CAMKMT: variants seen among roughly 807,000 people sequenced by gnomAD.
CAMKMT encodes CaM KMT.
A neutral mutation model predicts 48.0 loss-of-function variants in CAMKMT; 53 were observed. The observed-to-expected ratio is 1.10, with a 90% CI of 0.89 to 1.39. The LOEUF is 1.39. CAMKMT is among the 40% of genes most tolerant of loss of function. CAMKMT has a pLI of 0.00. For synonymous variants in CAMKMT, 165 were observed against 152.3 expected, an observed-to-expected ratio of 1.08 and a Z score of -0.61; for missense variants, 428 against 402.7, an observed-to-expected ratio of 1.06 and a Z score of -0.54.
chr2:44,371,489 A>G (rs996695460), intron 1 of CAMKMT, among the ~76,000 whole-genome samples: 3 of 152,182 alleles, frequency 2.0e-5, no homozygotes, highest in Admixed American at 6.5e-5. Flanking sequence ...GTTTCCAAAT[A>G]TATTTGGCTT....
chr2:44,397,461 C>A (rs1169894416), intron 3 of CAMKMT, among the ~76,000 whole-genome samples: 2 of 152,114 alleles, frequency 1.3e-5, no homozygotes, highest in Non-Finnish European at 2.9e-5. Context: ...TACATGTAGT[C>A]TTTGATTCTT....
intron 3 of CAMKMT, among the ~76,000 whole-genome samples, chr2:44,445,972 G>A (rs1294436143): frequency 6.6e-6 from 1 of 151,986 alleles, no homozygotes; most frequent in East Asian, 1.9e-4. Context: ...AAGCAGTTAA[G>A]ATCTGTCTTC....
At chr2:44,482,076 T>C (rs1668990329) in intron 3 of CAMKMT, among the ~76,000 whole-genome samples, 1 of 152,104 alleles carries the variant, frequency 6.6e-6, no homozygotes, top group Non-Finnish European at 1.5e-5. Context: ...AGAATATAAT[T>C]AACTCATGCA....
At chr2:44,554,457 C>T (rs968663205) in intron 3 of CAMKMT, among the ~76,000 whole-genome samples, 3 of 152,096 alleles carry the variant, frequency 2.0e-5, no homozygotes, top group Non-Finnish European at 2.9e-5. Flanking sequence ...AAATATTCGC[C>T]GGGCACAGTG....
chr2:44,739,027 G>C (rs997394473), intron 7 of CAMKMT, among the ~76,000 whole-genome samples: 1 of 152,204 alleles, frequency 6.6e-6, no homozygotes, highest in Non-Finnish European at 1.5e-5. Context: ...GAGCAAAGAG[G>C]CCAAGGAGGA....
chr2:44,626,196 T>C (rs1204036450), intron 3 of CAMKMT, among the ~76,000 whole-genome samples: 1 of 152,240 alleles, frequency 6.6e-6, no homozygotes, highest in Non-Finnish European at 1.5e-5. Flanking sequence ...CTTTAATTTC[T>C]GTTAGTAGTG....
intron 3 of CAMKMT, among the ~76,000 whole-genome samples, chr2:44,487,040 G>A (rs1253356111): frequency 6.6e-6 from 1 of 152,196 alleles, no homozygotes; most frequent in Non-Finnish European, 1.5e-5. Context: ...ATATTAGGAT[G>A]AGGAATTTGG....
rs746320946 is a variant in CAMKMT, at chr2:44,772,007, TA to T, written c.895-28del. On this transcript the variant is annotated intron_variant, in intron 10 of 10. Transcript: ENST00000378494. ...TAAAGATCCCTAATTGGAGTCCCCT[TA>T]CCTTTTTCTTTCTATTATTGTTTTC... is the stretch of plus-strand genomic sequence containing the variant. The T allele has an allele frequency of 4.6e-6, 7 of 1,529,178 alleles. No homozygotes were observed. The African/African-American group carries it at 9.6e-5, about 21-fold the overall frequency. The allele number at this position is 1,529,178 out of a possible 1,614,324, so 94.7% of individuals were successfully genotyped here. A position where few individuals can be genotyped will look rare whatever the true frequency, so the allele number is the denominator to read the frequency against.
At chr2:44,406,962 A>G (rs2104463226) in intron 3 of CAMKMT, among the ~76,000 whole-genome samples, 1 of 152,298 alleles carries the variant, frequency 6.6e-6, no homozygotes, top group East Asian at 1.9e-4. Flanking sequence ...ACTTAACTGG[A>G]ACAGTCTCTT....
At chr2:44,582,438 T>G (rs1669615935) in intron 3 of CAMKMT, among the ~76,000 whole-genome samples, 1 of 152,216 alleles carries the variant, frequency 6.6e-6, no homozygotes, top group Non-Finnish European at 1.5e-5. Flanking sequence ...CTAAATGCAC[T>G]CAGTTGTGCC....
intron 3 of CAMKMT, among the ~76,000 whole-genome samples, chr2:44,623,844 A>G (rs1672331827): frequency 1.3e-5 from 2 of 152,158 alleles, no homozygotes; most frequent in African/African-American, 4.8e-5. Context: ...ATGTATTGTC[A>G]CTATAGTTTA....
At chr2:44,623,494 A>G (rs529017988) in intron 3 of CAMKMT, among the ~76,000 whole-genome samples, 4 of 152,072 alleles carry the variant, frequency 2.6e-5, no homozygotes, top group African/African-American at 9.7e-5. Context: ...TCTTGAGTTA[A>G]TTTTTTTATA....
chr2:44,387,071 T>C (rs1281911820), intron 2 of CAMKMT, among the ~76,000 whole-genome samples: 2 of 152,202 alleles, frequency 1.3e-5, no homozygotes, highest in Non-Finnish European at 2.9e-5. Flanking sequence ...TGTTTCCTTG[T>C]TGACTTTCTG....
At chr2:44,761,390 C>T (rs979859375) in intron 9 of CAMKMT, among the ~76,000 whole-genome samples, 7 of 152,110 alleles carry the variant, frequency 4.6e-5, no homozygotes, top group Admixed American at 1.3e-4. Flanking sequence ...GGCATGGGGC[C>T]GGTCACGTGG....
At chr2:44,664,232 C>G (rs1408683454) in intron 3 of CAMKMT, among the ~76,000 whole-genome samples, 1 of 152,184 alleles carries the variant, frequency 6.6e-6, no homozygotes, top group East Asian at 1.9e-4. Flanking sequence ...AATATGTAGC[C>G]TCTCTAAGAC....
intron 3 of CAMKMT, among the ~76,000 whole-genome samples, chr2:44,504,824 A>G (rs1418143793): frequency 6.6e-6 from 1 of 152,034 alleles, no homozygotes; most frequent in East Asian, 1.9e-4. Context: ...TTTTGTTGCT[A>G]TGAAGGAATA....
At chr2:44,549,749 C>G (rs1049701559) in intron 3 of CAMKMT, 1 of 481,838 alleles carries the variant, frequency 2.1e-6, no homozygotes, top group South Asian at 4.2e-5. Context: ...CTATGTCCTA[C>G]ATGATGTCTG....
chr2:44,555,885 G>A (rs1219791000), intron 3 of CAMKMT, among the ~76,000 whole-genome samples: 3 of 152,126 alleles, frequency 2.0e-5, no homozygotes, highest in African/African-American at 7.2e-5. Context: ...ATTGAATTTA[G>A]CAACAAAGAG....
At chr2:44,743,888 C>A (rs1245974065) in intron 8 of CAMKMT, among the ~76,000 whole-genome samples, 192 bp downstream of exon 8, 1 of 152,208 alleles carries the variant, frequency 6.6e-6, no homozygotes, top group Non-Finnish European at 1.5e-5. Flanking sequence ...TAACTTCTAC[C>A]ACATTATTTC....
Sources: allele counts gnomAD v4.1 joint callset (sites outside exome capture counted in the v4.1 genomes callset), GRCh38; gene constraint gnomAD v4.1.1; transcripts MANE v1.5; gene names NCBI Gene and HGNC (gene_info 2026-07-23, HGNC 2026-07-21).